The following THSD7B variants were observed in gnomAD, a reference collection of about 807,000 sequenced individuals.
The protein encoded by THSD7B is thrombospondin type-1 domain-containing protein 7B.
A neutral mutation model predicts 213.6 loss-of-function variants in THSD7B; 138 were observed. The observed-to-expected ratio is 0.65, with a 90% CI of 0.56 to 0.74. The LOEUF (loss-of-function observed/expected upper bound fraction) is 0.74, where lower values mean the gene tolerates loss of function less well. THSD7B is among the 30% of genes least tolerant of loss of function. The pLI, the probability that THSD7B is intolerant of heterozygous loss-of-function variation, is 0.00. For missense variants in THSD7B, 1,931 were observed against 1,991.5 expected, an observed-to-expected ratio of 0.97 and a Z score of 0.58; for synonymous variants, 742 against 687.0, an observed-to-expected ratio of 1.08 and a Z score of -1.25.
chr2:137,339,914 C>T lies in THSD7B; in HGVS notation c.2500+63888C>T, dbSNP rs149786049. Among the ~76,000 whole-genome samples the T allele has an allele frequency of 7.9e-5, 12 of 151,040 alleles. No individual in the cohort carries two copies. The East Asian group carries it at 2.4e-3, about 30-fold the overall frequency. Reference sequence around the variant, plus strand: ...TAAATCAGACCAACCTGTATTTAATCCAGCTTCTCTCCTTATGTATGTTTG... The same window carrying T: ...TAAATCAGACCAACCTGTATTTAATTCAGCTTCTCTCCTTATGTATGTTTG... On this transcript the variant is annotated intron_variant, in intron 12 of 27. Coordinates refer to ENST00000409968, the MANE Select transcript of THSD7B (RefSeq NM_001316349.2).
At chr2:137,600,854 T>C (rs1035173601) in intron 17 of THSD7B, among the ~76,000 whole-genome samples, 23 of 152,198 alleles carry the variant, frequency 1.5e-4, no homozygotes, top group African/African-American at 5.5e-4. Flanking sequence ...ATGCATGTTA[T>C]TGCCCCTGAA....
At chr2:137,648,528 A>G (rs1375786836) in intron 21 of THSD7B, among the ~76,000 whole-genome samples, 1 of 152,112 alleles carries the variant, frequency 6.6e-6, no homozygotes, top group Non-Finnish European at 1.5e-5. Context: ...CTCCAGTTCC[A>G]TTTATGTTTC....
chr2:137,592,833 A>G (rs1681891240), intron 17 of THSD7B, among the ~76,000 whole-genome samples: 2 of 152,000 alleles, frequency 1.3e-5, no homozygotes, highest in South Asian at 4.1e-4. Context: ...AGTACACTAC[A>G]GGATCTTTGA....
chr2:137,659,042 A>G (rs72844583), intron 24 of THSD7B, among the ~76,000 whole-genome samples: 13,259 of 152,216 alleles, frequency 0.087, 656 homozygotes, highest in Middle Eastern at 0.16. Context: ...TTTATTCAAA[A>G]ATATGTACGG....
At chr2:136,798,326 A>G (rs1259352068) in intron 1 of THSD7B, among the ~76,000 whole-genome samples, 8 of 151,962 alleles carry the variant, frequency 5.3e-5, no homozygotes, top group Admixed American at 4.6e-4. Context: ...CTTGGGAACA[A>G]TTCCTTGAAA....
At chr2:137,582,448 T>C (rs1681602697) in intron 17 of THSD7B, among the ~76,000 whole-genome samples, 1 of 152,118 alleles carries the variant, frequency 6.6e-6, no homozygotes, top group African/African-American at 2.4e-5. Context: ...CATTAACTCC[T>C]CATTTACATT....
intron 4 of THSD7B, among the ~76,000 whole-genome samples, chr2:137,096,373 T>A (rs1474247715): frequency 6.6e-6 from 1 of 152,218 alleles, no homozygotes. Flanking sequence ...GCAGCCTGGC[T>A]CTTCCTGAAA....
chr2:137,587,825 A>G (rs1333829199), intron 17 of THSD7B, among the ~76,000 whole-genome samples: 2 of 152,190 alleles, frequency 1.3e-5, no homozygotes, highest in Non-Finnish European at 2.9e-5. Flanking sequence ...CTCCGATCTC[A>G]AACTCCATGC....
chr2:137,373,910 C>T (rs548452550), intron 12 of THSD7B, among the ~76,000 whole-genome samples: 4 of 152,100 alleles, frequency 2.6e-5, no homozygotes, highest in Non-Finnish European at 1.5e-5. Context: ...TTCAGCTTTC[C>T]ACATATGGCT....
intron 21 of THSD7B, among the ~76,000 whole-genome samples, chr2:137,648,293 C>A (rs927305774): frequency 5.3e-5 from 8 of 152,058 alleles, no homozygotes; most frequent in African/African-American, 1.9e-4. Context: ...GCTATAGTCA[C>A]CCTACTGATC....
At chr2:137,590,687 CA>C (rs1401489221) in intron 17 of THSD7B, among the ~76,000 whole-genome samples, 1 of 150,984 alleles carries the variant, frequency 6.6e-6, no homozygotes, top group Non-Finnish European at 1.5e-5. Context: ...CTATAATTGA[CA>C]ATGATTTATA....
chr2:137,347,258 G>A (rs1218013492), intron 12 of THSD7B, among the ~76,000 whole-genome samples: 11 of 151,686 alleles, frequency 7.3e-5, no homozygotes, highest in Non-Finnish European at 3.0e-5. Flanking sequence ...GAGAGATGAA[G>A]GTTGATATAG....
chr2:137,446,826 G>A lies in THSD7B; in HGVS notation c.2960-4019G>A, dbSNP rs541303720. ...GAAATATTATGTAGATGGGAACAGA[G>A]ATTCTGTGGTATATTTTATGGAAAT... On this transcript the variant is annotated intron_variant, in intron 14 of 27. Transcript: ENST00000409968. 2.4e-4 allele frequency among the ~76,000 whole-genome samples: 36 copies of A among 152,144 alleles called. 1 individual carries two copies. The South Asian group carries it at 7.5e-3, about 32-fold the overall frequency.
At chr2:137,514,520 A>G (rs1573677520) in intron 15 of THSD7B, among the ~76,000 whole-genome samples, 1 of 152,232 alleles carries the variant, frequency 6.6e-6, no homozygotes, top group South Asian at 2.1e-4. Context: ...AATACTCCTT[A>G]ATAAACTCCC....
intron 2 of THSD7B, among the ~76,000 whole-genome samples, chr2:137,032,013 T>G (rs910376774): frequency 6.6e-6 from 1 of 152,090 alleles, no homozygotes; most frequent in Admixed American, 6.6e-5. Context: ...CTGATTTTTG[T>G]ATTTTTTTGT....
chr2:137,236,970 G>C (rs973664639), intron 9 of THSD7B, among the ~76,000 whole-genome samples: 5 of 152,092 alleles, frequency 3.3e-5, no homozygotes, highest in African/African-American at 1.2e-4. Flanking sequence ...AATTAGCCAG[G>C]AGTGGTGGCA....
At chr2:137,191,500 C>G in intron 7 of THSD7B, among the ~76,000 whole-genome samples, 1 of 151,864 alleles carries the variant, frequency 6.6e-6, no homozygotes, top group East Asian at 2.0e-4. Flanking sequence ...CTGGTGCTTG[C>G]CTGGTTCTGC....
chr2:137,421,613 A>C (rs1004395576), intron 14 of THSD7B, among the ~76,000 whole-genome samples: 2 of 152,188 alleles, frequency 1.3e-5, no homozygotes. Flanking sequence ...AAGCTCCCTG[A>C]ACCTGGTCCT....
intron 9 of THSD7B, among the ~76,000 whole-genome samples, chr2:137,241,612 A>G (rs1681905914): frequency 6.6e-6 from 1 of 152,110 alleles, no homozygotes; most frequent in African/African-American, 2.4e-5. Flanking sequence ...TACGTGTTCT[A>G]TAGAAATACC....
Sources: gnomAD v4.1 joint callset for allele counts (sites outside exome capture counted in the v4.1 genomes callset) on GRCh38, gnomAD v4.1.1 for gene constraint, MANE v1.5 for transcripts, NCBI Gene and HGNC (gene_info 2026-07-23, HGNC 2026-07-21) for gene names.